The following SLC41A2 variants were observed in gnomAD, a reference collection of about 807,000 sequenced individuals.
SLC41A2 encodes solute carrier family 41 member 2.
Under a neutral mutation model 58.3 loss-of-function variants are expected in SLC41A2, and 32 were observed. The observed-to-expected ratio is 0.55, with a 90% confidence interval of 0.41 to 0.74. The LOEUF is 0.74. SLC41A2 is among the 30% of genes least tolerant of loss of function. The probability of loss-of-function intolerance (pLI) is 0.00; values close to 1 mark genes in which losing one functional copy is unlikely to be tolerated. For synonymous variants in SLC41A2, 190 were observed against 235.0 expected, an observed-to-expected ratio of 0.81 and a Z score of 1.75; for missense variants, 514 against 680.6, an observed-to-expected ratio of 0.76 and a Z score of 2.72.
intron 6 of SLC41A2, among the ~76,000 whole-genome samples, chr12:104,870,052 G>T (rs1167697352): frequency 6.6e-6 from 1 of 152,206 alleles, no homozygotes; most frequent in African/African-American, 2.4e-5. Flanking sequence ...CAGGACCTGT[G>T]AATGCTACCT....
intron 10 of SLC41A2, among the ~76,000 whole-genome samples, chr12:104,830,284 C>T (rs774258396): frequency 5.0e-4 from 76 of 152,096 alleles, no homozygotes; most frequent in African/African-American, 1.6e-3. Context: ...TAAAAATCTG[C>T]GGATACTGAA....
chr12:104,941,690 T>C (rs568012086), intron 1 of SLC41A2, among the ~76,000 whole-genome samples: 1 of 152,354 alleles, frequency 6.6e-6, no homozygotes, highest in African/African-American at 2.4e-5. Context: ...GTTCATTCTA[T>C]CAGTTAGATT....
chr12:104,886,505 A>G, intron 5 of SLC41A2, 66 bp from the exon 6 acceptor site: 3 of 1,524,570 alleles, frequency 2.0e-6, no homozygotes, highest in Non-Finnish European at 2.7e-6. Flanking sequence ...CCCAAATACC[A>G]AAATGTGTAG....
chr12:104,805,397 G>T, intron 10 of SLC41A2, 60 bp from the exon 11 acceptor site: 1 of 1,466,770 alleles, frequency 6.8e-7, no homozygotes, highest in Non-Finnish European at 9.2e-7. Context: ...CATGAAACAT[G>T]GCCACAAGCC....
intron 8 of SLC41A2, among the ~76,000 whole-genome samples, chr12:104,852,917 TA>T (rs1441342878): frequency 3.9e-5 from 6 of 152,194 alleles, no homozygotes; most frequent in Non-Finnish European, 7.4e-5. Context: ...ACATTTCTTT[TA>T]AATTATTTAA....
intron 6 of SLC41A2, among the ~76,000 whole-genome samples, chr12:104,881,802 G>T (rs182950980): frequency 1.6e-4 from 25 of 152,296 alleles, no homozygotes; most frequent in Admixed American, 4.6e-4. Flanking sequence ...TTGATTTGGG[G>T]TGGAGAGGTC....
intron 6 of SLC41A2, among the ~76,000 whole-genome samples, chr12:104,871,447 T>G (rs1461668578): frequency 2.0e-5 from 3 of 152,206 alleles, no homozygotes; most frequent in African/African-American, 7.2e-5. Context: ...TATAAATGCC[T>G]TTATATTGTC....
At chr12:104,886,592 C>G (rs571731019) in intron 5 of SLC41A2, among the ~76,000 whole-genome samples, 153 bp from the exon 6 acceptor site, 18 of 152,156 alleles carry the variant, frequency 1.2e-4, no homozygotes, top group African/African-American at 4.3e-4. Flanking sequence ...TTTACTCTAA[C>G]GCTTTGGCAA....
At chr12:104,882,664 T>G (rs1391993177) in intron 6 of SLC41A2, among the ~76,000 whole-genome samples, 1 of 152,230 alleles carries the variant, frequency 6.6e-6, no homozygotes, top group African/African-American at 2.4e-5. Flanking sequence ...TCTTCTGGCT[T>G]GTAGAGTTTC....
At chr12:104,807,949 C>A in intron 10 of SLC41A2, among the ~76,000 whole-genome samples, 1 of 152,158 alleles carries the variant, frequency 6.6e-6, no homozygotes, top group African/African-American at 2.4e-5. Context: ...TGCTTATCAG[C>A]TTAAGGAGAT....
chr12:104,953,562 GAA>G (rs2048035088), intron 1 of SLC41A2, among the ~76,000 whole-genome samples: 1 of 152,188 alleles, frequency 6.6e-6, no homozygotes, highest in Non-Finnish European at 1.5e-5. Context: ...CTCAAGGAGA[GAA>G]AGTTTTCCTT....
intron 6 of SLC41A2, among the ~76,000 whole-genome samples, chr12:104,874,076 T>TG (rs1265624063): frequency 6.7e-6 from 1 of 148,556 alleles, no homozygotes; most frequent in African/African-American, 2.5e-5. Flanking sequence ...TGAGTTTGTT[T>TG]TTTTTTTTTT....
chr12:104,835,362 A>G (rs147401423), intron 10 of SLC41A2, among the ~76,000 whole-genome samples: 1 of 152,316 alleles, frequency 6.6e-6, no homozygotes, highest in African/African-American at 2.4e-5. Context: ...ACTCTTTATC[A>G]TCTGTTCTTT....
intron 1 of SLC41A2, among the ~76,000 whole-genome samples, chr12:104,933,895 T>C (rs1438016720): frequency 2.0e-5 from 3 of 152,012 alleles, no homozygotes; most frequent in African/African-American, 7.2e-5. Flanking sequence ...TACAGAGTGG[T>C]ATAATGGACA....
At chr12:104,926,148 G>A (rs1362401079) in intron 2 of SLC41A2, among the ~76,000 whole-genome samples, 2 of 152,102 alleles carry the variant, frequency 1.3e-5, no homozygotes, top group Non-Finnish European at 2.9e-5. Flanking sequence ...TGAAAGATAA[G>A]AGCACATTAT....
chr12:104,897,144 C>CTTTTTTTTTTT (rs71440558), intron 3 of SLC41A2, among the ~76,000 whole-genome samples: 2 of 120,290 alleles, frequency 1.7e-5, no homozygotes, highest in Non-Finnish European at 3.3e-5. Context: ...TTTCTTTTTT[C>CTTTTTTTTTTT]TTTTTTTTTT....
chr12:104,868,879 CAG>C (rs2043612541), intron 6 of SLC41A2, among the ~76,000 whole-genome samples: 1 of 152,076 alleles, frequency 6.6e-6, no homozygotes, highest in Admixed American at 6.5e-5. Context: ...TGAAAGATGC[CAG>C]ACTCAAAAGG....
chr12:104,927,853 T>C, intron 2 of SLC41A2, 120 bp downstream of exon 2: 2 of 940,832 alleles, frequency 2.1e-6, no homozygotes, highest in Non-Finnish European at 3.0e-6. Context: ...CTGTTCATTT[T>C]ACCAAGGGAT....
chr12:104,825,753 G>A (rs1290608255), intron 10 of SLC41A2, among the ~76,000 whole-genome samples: 1 of 152,142 alleles, frequency 6.6e-6, no homozygotes, highest in Non-Finnish European at 1.5e-5. Flanking sequence ...CCAGGTGCGA[G>A]GGATTCAAAG....
Sources: allele counts gnomAD v4.1 joint callset (sites outside exome capture counted in the v4.1 genomes callset), GRCh38; gene constraint gnomAD v4.1.1; transcripts MANE v1.5; gene names NCBI Gene and HGNC (gene_info 2026-07-23, HGNC 2026-07-21).